CADM2: variants seen among roughly 807,000 people sequenced by gnomAD.
CADM2 encodes immunoglobulin superfamily member 4D.
CADM2 carries 12 observed loss-of-function variants against 49.8 expected under a neutral mutation model. The observed-to-expected ratio is 0.24, with a 90% CI of 0.15 to 0.39. The LOEUF (loss-of-function observed/expected upper bound fraction) is 0.39, where lower values mean the gene tolerates loss of function less well. CADM2 is among the 10% of genes least tolerant of loss of function. CADM2 has a pLI of 1.00. For missense variants in CADM2, 378 were observed against 492.3 expected (o/e 0.77, Z 2.20); for synonymous variants, 214 against 175.4 (o/e 1.22, Z -1.74).
At chr3:85,403,742 C>T (rs1021286579) in intron 1 of CADM2, among the ~76,000 whole-genome samples, 3 of 152,046 alleles carry the variant, frequency 2.0e-5, no homozygotes, top group Non-Finnish European at 4.4e-5. Context: ...TTCAAACTTC[C>T]AGAAGATTAT....
intron 3 of CADM2, among the ~76,000 whole-genome samples, chr3:85,819,168 A>G (rs2073399480): frequency 1.3e-5 from 2 of 152,210 alleles, no homozygotes; most frequent in Admixed American, 1.3e-4. Flanking sequence ...AGCATTCCGC[A>G]TGGGAAGAAG....
intron 1 of CADM2, among the ~76,000 whole-genome samples, chr3:85,525,582 A>AT (rs1338961043): frequency 6.6e-6 from 1 of 152,052 alleles, no homozygotes; most frequent in African/African-American, 2.4e-5. Flanking sequence ...TTAGGTCCTG[A>AT]TTTTTATCAA....
At chr3:85,874,813 G>T (rs1258769255) in intron 3 of CADM2, among the ~76,000 whole-genome samples, 1 of 152,122 alleles carries the variant, frequency 6.6e-6, no homozygotes, top group African/African-American at 2.4e-5. Flanking sequence ...GTAGGGGATG[G>T]AGAGGAAATA....
chr3:86,057,473 T>C (rs1198819933), intron 8 of CADM2, among the ~76,000 whole-genome samples: 1 of 152,182 alleles, frequency 6.6e-6, no homozygotes, highest in Non-Finnish European at 1.5e-5. Context: ...GCACAGCAAA[T>C]TGGCATATAA....
At chr3:84,998,671 C>A (rs2033300153) in intron 1 of CADM2, among the ~76,000 whole-genome samples, 1 of 152,084 alleles carries the variant, frequency 6.6e-6, no homozygotes, top group Non-Finnish European at 1.5e-5. Context: ...CTCTGGATTT[C>A]TCAGGCTTGG....
At chr3:85,303,759 T>C (rs897179388) in intron 1 of CADM2, among the ~76,000 whole-genome samples, 1 of 151,934 alleles carries the variant, frequency 6.6e-6, no homozygotes, top group Non-Finnish European at 1.5e-5. Context: ...TTTAACGAAG[T>C]TTCCTAATTA....
At chr3:85,886,764 T>C (rs887393838) in intron 5 of CADM2, among the ~76,000 whole-genome samples, 1 of 152,126 alleles carries the variant, frequency 6.6e-6, no homozygotes, top group African/African-American at 2.4e-5. Flanking sequence ...TGGTTAAACA[T>C]CAATAAATTT....
intron 1 of CADM2, among the ~76,000 whole-genome samples, chr3:85,025,239 A>G (rs1172149540): frequency 6.6e-6 from 1 of 152,092 alleles, no homozygotes; most frequent in Non-Finnish European, 1.5e-5. Context: ...TTTTTGGTTT[A>G]TATTATTTGT....
At chr3:85,404,974 T>C (rs978648251) in intron 1 of CADM2, among the ~76,000 whole-genome samples, 1 of 152,140 alleles carries the variant, frequency 6.6e-6, no homozygotes, top group Admixed American at 6.6e-5. Context: ...GGTAGATATA[T>C]TGGATGTGTT....
chr3:86,009,056 AACTT>A (rs1266743553), intron 8 of CADM2, among the ~76,000 whole-genome samples: 1 of 149,768 alleles, frequency 6.7e-6, no homozygotes, highest in Non-Finnish European at 1.5e-5. Context: ...AAGAGATTGA[AACTT>A]ACAAGTTTAA....
At chr3:85,284,444 A>G (rs529031635) in intron 1 of CADM2, among the ~76,000 whole-genome samples, 1 of 152,252 alleles carries the variant, frequency 6.6e-6, no homozygotes, top group South Asian at 2.1e-4. Flanking sequence ...AAGGAGAAGA[A>G]GAAAAATATC....
At chr3:85,647,140 A>C (rs961063190) in intron 1 of CADM2, among the ~76,000 whole-genome samples, 3 of 151,844 alleles carry the variant, frequency 2.0e-5, no homozygotes, top group Non-Finnish European at 4.4e-5. Context: ...CAAAATTCCC[A>C]AAACACTGCC....
chr3:85,260,727 A>G (rs1266580931), intron 1 of CADM2, among the ~76,000 whole-genome samples: 1 of 152,160 alleles, frequency 6.6e-6, no homozygotes, highest in Admixed American at 6.5e-5. Flanking sequence ...TTTATTCTCA[A>G]GCAGCTTAGT....
intron 1 of CADM2, among the ~76,000 whole-genome samples, chr3:85,425,720 G>T (rs1264073487): frequency 1.3e-5 from 2 of 152,072 alleles, no homozygotes; most frequent in Non-Finnish European, 2.9e-5. Context: ...AGGTCTTGGG[G>T]GTGACAAAGT....
At chr3:85,709,495 C>A (rs2067050092) in intron 1 of CADM2, among the ~76,000 whole-genome samples, 1 of 152,074 alleles carries the variant, frequency 6.6e-6, no homozygotes, top group African/African-American at 2.4e-5. Context: ...GTACAATTTT[C>A]TGACAAGTGC....
chr3:85,918,492 C>T (rs1482456157), intron 6 of CADM2, among the ~76,000 whole-genome samples: 1 of 152,136 alleles, frequency 6.6e-6, no homozygotes, highest in Non-Finnish European at 1.5e-5. Flanking sequence ...CCTTGCATCT[C>T]AGGGATGAAG....
chr3:85,272,424 A>G, intron 1 of CADM2, among the ~76,000 whole-genome samples: 1 of 151,336 alleles, frequency 6.6e-6, no homozygotes. Context: ...CTGAAAAAGA[A>G]AAAAAGATAA....
chr3:85,945,344 G>C (rs984819441), intron 7 of CADM2, among the ~76,000 whole-genome samples: 3 of 152,072 alleles, frequency 2.0e-5, no homozygotes, highest in Non-Finnish European at 2.9e-5. Flanking sequence ...AATTCTACCA[G>C]AGGTACAAGG....
chr3:85,404,304 A>G (rs969650144), intron 1 of CADM2, among the ~76,000 whole-genome samples: 7 of 152,046 alleles, frequency 4.6e-5, no homozygotes. Context: ...CTTGGGACCT[A>G]ATGACAACTT....
Sources: gnomAD v4.1 joint callset for allele counts (sites outside exome capture counted in the v4.1 genomes callset) on GRCh38, gnomAD v4.1.1 for gene constraint, MANE v1.5 for transcripts, NCBI Gene and HGNC (gene_info 2026-07-23, HGNC 2026-07-21) for gene names.